IFT25: variants seen among roughly 807,000 people sequenced by gnomAD.
IFT25 encodes intraflagellar transport protein 25 homolog.
chr1:53,921,698 G>A, the IFT25 span: 9 of 1,613,398 alleles, frequency 5.6e-6, no homozygotes, highest in East Asian at 6.7e-5. Flanking sequence ...GAAACGCTAT[G>A]CACAGATGCA....
the IFT25 span, among the ~76,000 whole-genome samples, chr1:53,919,619 T>C: frequency 6.6e-6 from 1 of 152,220 alleles, no homozygotes; most frequent in East Asian, 1.9e-4. Flanking sequence ...CACTATGCTT[T>C]GAAGTGGTTT....
the IFT25 span, among the ~76,000 whole-genome samples, chr1:53,932,846 G>A: frequency 1.3e-5 from 2 of 152,186 alleles, no homozygotes; most frequent in Non-Finnish European, 1.5e-5. Context: ...GATTACAGGC[G>A]TGAGCCACCA....
chr1:53,913,335 G>A, the IFT25 span, among the ~76,000 whole-genome samples: 1 of 152,130 alleles, frequency 6.6e-6, no homozygotes, highest in Admixed American at 6.5e-5. Context: ...CTTCCTTAGA[G>A]GTTTCTCCTG....
chr1:53,946,008 A>C, the IFT25 span: 1 of 137,168 alleles, frequency 7.3e-6, no homozygotes, highest in Non-Finnish European at 1.6e-5. Context: ...GGCCCCTCCT[A>C]CCCCTAGCTC....
At chr1:53,937,073 T>G in the IFT25 span, among the ~76,000 whole-genome samples, 1 of 152,156 alleles carries the variant, frequency 6.6e-6, no homozygotes, top group Admixed American at 6.5e-5. Flanking sequence ...CTCCAAATAC[T>G]CCTATGGTTA....
At chr1:53,934,244 A>G in the IFT25 span, among the ~76,000 whole-genome samples, 1 of 152,146 alleles carries the variant, frequency 6.6e-6, no homozygotes, top group African/African-American at 2.4e-5. Context: ...TTTTTGGAAG[A>G]TAGTTTAGCT....
chr1:53,929,846 C>A, the IFT25 span: 1 of 898,554 alleles, frequency 1.1e-6, no homozygotes, highest in Non-Finnish European at 1.5e-6. Flanking sequence ...AGGCATTTAC[C>A]TCATAATCCC....
the IFT25 span, among the ~76,000 whole-genome samples, chr1:53,920,518 C>T: frequency 1.3e-5 from 2 of 152,016 alleles, no homozygotes; most frequent in East Asian, 3.9e-4. Context: ...TTTCTTGTCA[C>T]ACTTTTGGAA....
the IFT25 span, among the ~76,000 whole-genome samples, chr1:53,915,121 C>T: frequency 4.6e-5 from 7 of 152,058 alleles, no homozygotes; most frequent in Non-Finnish European, 7.4e-5. Context: ...GAGATATAGG[C>T]GTGCAAATAA....
the IFT25 span, among the ~76,000 whole-genome samples, chr1:53,932,234 T>A: frequency 2.0e-5 from 3 of 151,630 alleles, no homozygotes; most frequent in Non-Finnish European, 4.4e-5. Flanking sequence ...GCCGGTAGTC[T>A]CAGCTACTTG....
At chr1:53,930,205 T>C in the IFT25 span, 40 of 1,433,474 alleles carry the variant, frequency 2.8e-5, no homozygotes, top group Non-Finnish European at 3.7e-5. Flanking sequence ...AATCATAAAA[T>C]TTTATTGAAT....
chr1:53,924,048 T>G, the IFT25 span: 1 of 767,294 alleles, frequency 1.3e-6, no homozygotes, highest in Non-Finnish European at 2.3e-6. Flanking sequence ...TGGTAAATTA[T>G]GAGACCAGGT....
the IFT25 span, among the ~76,000 whole-genome samples, chr1:53,913,775 A>G: frequency 3.3e-5 from 5 of 152,156 alleles, no homozygotes; most frequent in Admixed American, 3.3e-4. Flanking sequence ...TGTGGCCTTG[A>G]TAAGACAGGA....
the IFT25 span, among the ~76,000 whole-genome samples, chr1:53,939,155 G>A: frequency 2.0e-5 from 3 of 151,492 alleles, no homozygotes; most frequent in Non-Finnish European, 4.4e-5. Flanking sequence ...ACTTTGGAAG[G>A]CTAAGGTGCG....
chr1:53,930,284 T>G, the IFT25 span: 3 of 795,820 alleles, frequency 3.8e-6, no homozygotes, highest in East Asian at 6.5e-5. Context: ...GCCTCTAATC[T>G]CTCTCCAACT....
At chr1:53,923,383 C>G in the IFT25 span, 1 of 153,902 alleles carries the variant, frequency 6.5e-6, no homozygotes, top group East Asian at 1.9e-4. Flanking sequence ...GAGGCAGCAG[C>G]TTCCTCATCA....
chr1:53,919,002 C>T, the IFT25 span, among the ~76,000 whole-genome samples: 1 of 152,124 alleles, frequency 6.6e-6, no homozygotes, highest in African/African-American at 2.4e-5. Context: ...CCACACCTGG[C>T]TAATTTTGTA....
At chr1:53,918,404 A>G in the IFT25 span, among the ~76,000 whole-genome samples, 1 of 152,190 alleles carries the variant, frequency 6.6e-6, no homozygotes, top group Non-Finnish European at 1.5e-5. Flanking sequence ...ACTGTGTAGA[A>G]CATTGTTGGT....
the IFT25 span, among the ~76,000 whole-genome samples, chr1:53,912,862 C>G: frequency 3.9e-5 from 6 of 152,178 alleles, no homozygotes; most frequent in African/African-American, 1.4e-4. Context: ...GTTTACGATT[C>G]GACAGATCTG....
Sources: gnomAD v4.1 joint callset for allele counts (sites outside exome capture counted in the v4.1 genomes callset) on GRCh38, gnomAD v4.1.1 for gene constraint, MANE v1.5 for transcripts, NCBI Gene and HGNC (gene_info 2026-07-23, HGNC 2026-07-21) for gene names.